The following HCN1 variants were observed in gnomAD, a reference collection of about 807,000 sequenced individuals.
HCN1 encodes the protein potassium/sodium hyperpolarization-activated cyclic nucleotide-gated channel 1.
Under a neutral mutation model 78.9 loss-of-function variants are expected in HCN1, and 13 were observed. That is an observed-to-expected ratio of 0.16 (90% CI 0.11 to 0.26). The LOEUF (loss-of-function observed/expected upper bound fraction) is 0.26, where lower values mean the gene tolerates loss of function less well. Among genes scored for constraint, HCN1 ranks in the 10% least tolerant of loss-of-function variants. The pLI, the probability that HCN1 is intolerant of heterozygous loss-of-function variation, is 1.00. For missense variants in HCN1, 810 were observed against 1,154.3 expected (o/e 0.70, Z 4.32); for synonymous variants, 552 against 455.5 (o/e 1.21, Z -2.70).
At chr5:45,508,915 C>T (rs1158355837) in intron 2 of HCN1, among the ~76,000 whole-genome samples, 2 of 152,064 alleles carry the variant, frequency 1.3e-5, no homozygotes, top group Non-Finnish European at 2.9e-5. Context: ...TGGTTTTCAT[C>T]ATCATTTTTA....
chr5:45,660,639 G>C (rs1274063405), intron 1 of HCN1, among the ~76,000 whole-genome samples: 1 of 150,772 alleles, frequency 6.6e-6, no homozygotes, highest in Admixed American at 6.6e-5. Context: ...ACAAAAAAAG[G>C]CAGGGGTTGC....
intron 2 of HCN1, among the ~76,000 whole-genome samples, chr5:45,501,679 A>G (rs1234729277): frequency 3.3e-5 from 5 of 152,080 alleles, no homozygotes; most frequent in Admixed American, 6.6e-5. Flanking sequence ...GACCCGGGAG[A>G]TCCGCACGCC....
chr5:45,442,084 G>A (rs970924809), intron 3 of HCN1, among the ~76,000 whole-genome samples: 2 of 152,062 alleles, frequency 1.3e-5, no homozygotes, highest in African/African-American at 2.4e-5. Context: ...TCAGACATAA[G>A]CTGTTTGATA....
At chr5:45,402,933 T>C (rs1029762869) in intron 3 of HCN1, among the ~76,000 whole-genome samples, 1 of 142,090 alleles carries the variant, frequency 7.0e-6, no homozygotes, top group African/African-American at 2.5e-5. Context: ...TTATGCAAGC[T>C]GGAGTCCAGT....
chr5:45,348,566 A>G (rs1354741727), intron 5 of HCN1, among the ~76,000 whole-genome samples: 1 of 152,206 alleles, frequency 6.6e-6, no homozygotes, highest in East Asian at 1.9e-4. Context: ...AAAGACACAG[A>G]CTGGCATATT....
At chr5:45,615,586 G>T (rs912242668) in intron 2 of HCN1, among the ~76,000 whole-genome samples, 1 of 151,792 alleles carries the variant, frequency 6.6e-6, no homozygotes, top group Admixed American at 6.6e-5. Context: ...CACAATTCTC[G>T]CCTGAAGCCC....
At chr5:45,372,149 T>C (rs1419210506) in intron 4 of HCN1, among the ~76,000 whole-genome samples, 1 of 57,318 alleles carries the variant, frequency 1.7e-5, no homozygotes, top group Non-Finnish European at 2.6e-5. Context: ...TAATATATTA[T>C]ATAATATGTT....
intron 2 of HCN1, among the ~76,000 whole-genome samples, chr5:45,615,599 T>G (rs1744928785): frequency 6.6e-6 from 1 of 151,986 alleles, no homozygotes; most frequent in African/African-American, 2.4e-5. Context: ...TGAAGCCCCT[T>G]GATAAAATTT....
At chr5:45,600,997 T>A (rs1396060305) in intron 2 of HCN1, among the ~76,000 whole-genome samples, 2 of 152,132 alleles carry the variant, frequency 1.3e-5, no homozygotes, top group East Asian at 1.9e-4. Context: ...AGGATTGAAA[T>A]ATAAAGGATA....
rs768484814 is a variant in HCN1, at chr5:45,695,950, G to A, written c.144C>T (p.Ala48=). ...CGGAGTTGCCGTGCTCCTTCGCGCCGGCCCCGCCGCCCCCCGGCGGGGTGC... is the reference window on the plus strand; with the variant it reads ...CGGAGTTGCCGTGCTCCTTCGCGCCAGCCCCGCCGCCCCCCGGCGGGGTGC... ...RLGTPPGGGG[A]GAKEHGNSVC... is the part of the protein sequence containing the mutation. The change falls in exon 1 of 8, where the codon GCC becomes GCT. Residue 48 remains alanine, a synonymous_variant. Coordinates refer to ENST00000303230, the MANE Select transcript of HCN1 (RefSeq NM_021072.4). 5.9e-6 allele frequency: 8 copies of A among 1,346,788 alleles called. No homozygotes were observed. Among genetic ancestry groups the A allele is most frequent in the Non-Finnish European group, 9.5e-7 (1 of 1,057,972 alleles). 83.4% of individuals were successfully genotyped at this position (1,346,788 alleles called of 1,614,324 possible). A position where few individuals can be genotyped will look rare whatever the true frequency, so the allele number is the denominator to read the frequency against.
rs1744631000 is a variant in HCN1, at chr5:45,257,101, T to G, written c.*4820A>C. 6.6e-6 allele frequency: 1 copy of G among 152,184 alleles called. No individual in the cohort carries two copies. Among genetic ancestry groups the G allele is most frequent in the South Asian group, 2.1e-4 (1 of 4,822 alleles). 9.4% of individuals were successfully genotyped at this position (152,184 alleles called of 1,614,324 possible). On this transcript the variant is annotated 3_prime_UTR_variant, in exon 8 of 8. Coordinates refer to ENST00000303230, the MANE Select transcript of HCN1 (RefSeq NM_021072.4). ...GGTGGGGTTGTAAATAGCCCCCAGT[T>G]TTTGCTGTGTCATAAATTATTTTAT...
intron 5 of HCN1, among the ~76,000 whole-genome samples, chr5:45,313,846 T>C (rs1745914411): frequency 1.3e-5 from 2 of 152,102 alleles, no homozygotes; most frequent in South Asian, 2.1e-4. Context: ...GAACAAAGCC[T>C]CCAAGAAATA....
intron 3 of HCN1, among the ~76,000 whole-genome samples, chr5:45,420,721 AACAC>A (rs1373849699): frequency 1.3e-5 from 2 of 151,814 alleles, no homozygotes; most frequent in Non-Finnish European, 2.9e-5. Context: ...CACACACACA[AACAC>A]ACACACACCA....
chr5:45,430,279 G>A (rs887542863), intron 3 of HCN1, among the ~76,000 whole-genome samples: 2 of 152,052 alleles, frequency 1.3e-5, no homozygotes, highest in African/African-American at 4.8e-5. Context: ...TGTTATAGTC[G>A]ATGATTCTTA....
intron 2 of HCN1, among the ~76,000 whole-genome samples, chr5:45,549,430 A>T (rs989132573): frequency 1.3e-5 from 2 of 152,208 alleles, no homozygotes; most frequent in Non-Finnish European, 2.9e-5. Context: ...GTGCTGGGAA[A>T]ACTGGCTAGC....
intron 2 of HCN1, among the ~76,000 whole-genome samples, chr5:45,525,494 A>G (rs1320351989): frequency 6.6e-6 from 1 of 151,552 alleles, no homozygotes; most frequent in Admixed American, 6.6e-5. Context: ...TAATTATTTT[A>G]TATACTAATT....
chr5:45,533,478 T>G (rs1029403447), intron 2 of HCN1, among the ~76,000 whole-genome samples: 3 of 152,220 alleles, frequency 2.0e-5, no homozygotes, highest in Non-Finnish European at 4.4e-5. Flanking sequence ...TATAGTGATA[T>G]GATGATGCCC....
At chr5:45,508,966 TAA>T (rs1473757276) in intron 2 of HCN1, among the ~76,000 whole-genome samples, 2 of 152,012 alleles carry the variant, frequency 1.3e-5, no homozygotes, top group Non-Finnish European at 2.9e-5. Flanking sequence ...AGCCTGCTTG[TAA>T]AAAATACCAC....
intron 6 of HCN1, among the ~76,000 whole-genome samples, chr5:45,292,103 T>C (rs1386871710): frequency 6.6e-6 from 1 of 152,018 alleles, no homozygotes; most frequent in Non-Finnish European, 1.5e-5. Context: ...AGGAATGTAA[T>C]TTATTTGCCC....
Sources: allele counts gnomAD v4.1 joint callset (sites outside exome capture counted in the v4.1 genomes callset), GRCh38; gene constraint gnomAD v4.1.1; transcripts MANE v1.5; gene names NCBI Gene and HGNC (gene_info 2026-07-23, HGNC 2026-07-21).